The following KIF21A variants were observed in gnomAD, a reference collection of about 807,000 sequenced individuals.
KIF21A encodes kinesin family member 21A.
Under a neutral mutation model 202.9 loss-of-function variants are expected in KIF21A, and 114 were observed. The observed-to-expected ratio is 0.56, with a 90% CI of 0.48 to 0.66. KIF21A has a LOEUF of 0.66. Ranked by LOEUF, KIF21A falls within the 30% of genes least tolerant of loss-of-function variation. KIF21A has a pLI of 0.00. For missense variants in KIF21A, 1,677 were observed against 1,994.9 expected, an observed-to-expected ratio of 0.84 and a Z score of 3.04; for synonymous variants, 667 against 670.8, an observed-to-expected ratio of 0.99 and a Z score of 0.09.
intron 7 of KIF21A, among the ~76,000 whole-genome samples, chr12:39,360,252 C>T (rs546527414): frequency 2.0e-5 from 3 of 152,004 alleles, no homozygotes; most frequent in Non-Finnish European, 2.9e-5. Context: ...AAAAAGCACA[C>T]AATTCTGCTT....
In KIF21A at chr12:39,320,100, G is replaced by T. The variant is rs553117052; in HGVS notation, c.3672-87C>A. On this transcript the variant is annotated intron_variant, in intron 27 of 37. Coordinates refer to ENST00000361418, the MANE Select transcript of KIF21A (RefSeq NM_001173464.2). ...ATAGTCAATCTAAAATTTGTAATAG[G>T]TTAATAACTGGAACCTCAGAAAGAT... 1.3e-5 allele frequency: 9 copies of T among 719,948 alleles called. No homozygotes were observed. The East Asian group carries it at 2.2e-4, about 17-fold the overall frequency. The allele number at this position is 719,948 out of a possible 1,614,324, so 44.6% of individuals were successfully genotyped here.
At chr12:39,407,595 A>G (rs1414731369) in intron 1 of KIF21A, among the ~76,000 whole-genome samples, 1 of 152,220 alleles carries the variant, frequency 6.6e-6, no homozygotes, top group Non-Finnish European at 1.5e-5. Flanking sequence ...TGAGATAAAT[A>G]CTATAATTAT....
At chr12:39,416,689 A>ATATATATGTACATATATGTG (rs1566266737) in intron 1 of KIF21A, among the ~76,000 whole-genome samples, 2 of 94,740 alleles carry the variant, frequency 2.1e-5, no homozygotes, top group African/African-American at 1.4e-4. Context: ...ATATGTGTGT[A>ATATATATGTACATATATGTG]TATATATATG....
At chr12:39,362,190 G>A (rs1008678508) in intron 7 of KIF21A, among the ~76,000 whole-genome samples, 11 of 152,086 alleles carry the variant, frequency 7.2e-5, no homozygotes, top group African/African-American at 2.7e-4. Flanking sequence ...TTCCTGTAGA[G>A]CCTACAGAAC....
At chr12:39,303,501 T>C (rs1035362016) in intron 35 of KIF21A, among the ~76,000 whole-genome samples, 2 of 152,178 alleles carry the variant, frequency 1.3e-5, no homozygotes, top group Non-Finnish European at 2.9e-5. Flanking sequence ...TTGTTATGTA[T>C]GTTTTACTAA....
At chr12:39,371,323 A>G (rs1291481253) in intron 1 of KIF21A, among the ~76,000 whole-genome samples, 1 of 152,178 alleles carries the variant, frequency 6.6e-6, no homozygotes, top group South Asian at 2.1e-4. Flanking sequence ...GTGAATTATT[A>G]TGAGTTGCCT....
rs554984463 is a variant in KIF21A, at chr12:39,374,535, A to C, written c.45-4274T>G. ...TTCTTAAAGACAAACAATTACGGACAAAAATTGAATTATTATTTCTCCATT... is the reference window on the plus strand; with the variant it reads ...TTCTTAAAGACAAACAATTACGGACCAAAATTGAATTATTATTTCTCCATT... On this transcript the variant is annotated intron_variant, in intron 1 of 37. Transcript: ENST00000361418. 1.4e-4 allele frequency among the ~76,000 whole-genome samples: 22 copies of C among 152,324 alleles called. No homozygotes were observed. In the South Asian group the frequency reaches 4.3e-3, roughly 30 times the overall value.
At chr12:39,421,723 T>TTTTTTA (rs944109985) in intron 1 of KIF21A, among the ~76,000 whole-genome samples, 1 of 135,026 alleles carries the variant, frequency 7.4e-6, no homozygotes, top group Admixed American at 7.6e-5. Flanking sequence ...TATATATAAT[T>TTTTTTA]TATATATATA....
rs965850304 is a variant in KIF21A, at chr12:39,318,147, G to A, written c.3834C>T (p.Ser1278=). The part of the protein sequence containing the change: ...ASLSPPSSPP[S]RPRNELNVFN... Reference sequence around the variant, plus strand: ...AAACATTCAGTTCATTACGGGGCCGGCTTGGTGGGGAAGAAGGAGGTGAAA... The same window carrying A: ...AAACATTCAGTTCATTACGGGGCCGACTTGGTGGGGAAGAAGGAGGTGAAA... The change falls in exon 29 of 38, where the codon AGC becomes AGT. Residue 1278 remains serine (S), a synonymous_variant. Coordinates refer to ENST00000361418, the MANE Select transcript of KIF21A (RefSeq NM_001173464.2). The A allele has an allele frequency of 6.2e-6, 10 of 1,613,352 alleles. No homozygotes were observed. The highest frequency in any genetic ancestry group is 8.5e-6 in the Non-Finnish European group (10 of 1,179,520).
chr12:39,410,475 A>G (rs543834633), intron 1 of KIF21A, among the ~76,000 whole-genome samples: 9 of 152,362 alleles, frequency 5.9e-5, no homozygotes, highest in African/African-American at 1.7e-4. Context: ...GTCCATTATC[A>G]TAGTTGCATA....
chr12:39,353,080 C>T (rs1948518850), intron 10 of KIF21A, among the ~76,000 whole-genome samples: 1 of 152,156 alleles, frequency 6.6e-6, no homozygotes. Context: ...AGCACCTTTG[C>T]CATATGTTCA....
rs764601859 is a variant in KIF21A, at chr12:39,333,103, G to C, written c.2492C>G (p.Thr831Arg). Residue 831 changes from threonine (T) to arginine (R), a missense_variant, in exon 19 of 38, where the codon ACG becomes AGG. Thr to Arg is a moderately conservative substitution (Grantham distance 71). Transcript: ENST00000361418. Reference sequence around the variant, plus strand: ...GGGTCTTACTTGCCGACGAAGAGCCGTAACCTGAAATTGCAGCAAAGGTTG... The same window carrying C: ...GGGTCTTACTTGCCGACGAAGAGCCCTAACCTGAAATTGCAGCAAAGGTTG... ...VVLRRKTEEV[T>R]ALRRQVRPMS... 81 of 1,613,602 alleles carry C rather than the reference G, an allele frequency of 5.0e-5. No individual in the cohort carries two copies. The highest frequency in any genetic ancestry group is 6.6e-5 in the Non-Finnish European group (78 of 1,179,806).
At chr12:39,337,253 C>T (rs1459116340) in intron 16 of KIF21A, 50 bp from the exon 17 acceptor site, 1 of 1,146,928 alleles carries the variant, frequency 8.7e-7, no homozygotes, top group East Asian at 2.3e-5. Context: ...TCACAACATT[C>T]ATTAAATCAA....
At chr12:39,409,106 G>C (rs915506884) in intron 1 of KIF21A, among the ~76,000 whole-genome samples, 3 of 151,834 alleles carry the variant, frequency 2.0e-5, no homozygotes, top group African/African-American at 2.4e-5. Flanking sequence ...AAAGTGTTGG[G>C]ATTACAGGCA....
chr12:39,364,961 C>T (rs1380784768), intron 6 of KIF21A, among the ~76,000 whole-genome samples: 1 of 152,142 alleles, frequency 6.6e-6, no homozygotes, highest in Non-Finnish European at 1.5e-5. Context: ...TCCCCAATTG[C>T]TCCTATGGAT....
chr12:39,406,630 G>A (rs2139964093), intron 1 of KIF21A, among the ~76,000 whole-genome samples: 1 of 152,200 alleles, frequency 6.6e-6, no homozygotes. Context: ...ATCTAACTTG[G>A]CAGGTATACT....
intron 1 of KIF21A, among the ~76,000 whole-genome samples, chr12:39,407,178 G>A (rs1204739995): frequency 3.3e-5 from 5 of 152,136 alleles, no homozygotes; most frequent in Non-Finnish European, 5.9e-5. Context: ...AAACATTTTA[G>A]AATTGCATTC....
chr12:39,310,286 G>C (rs1243074417), intron 32 of KIF21A, among the ~76,000 whole-genome samples: 1 of 151,904 alleles, frequency 6.6e-6, no homozygotes, highest in African/African-American at 2.4e-5. Flanking sequence ...TTATACTGGA[G>C]AGAAATATTT....
chr12:39,436,422 T>TTTTATATA (rs1424497663), intron 1 of KIF21A, among the ~76,000 whole-genome samples: 15 of 99,102 alleles, frequency 1.5e-4, no homozygotes, highest in African/African-American at 3.6e-4. Flanking sequence ...GTTTACTATA[T>TTTTATATA]TATATATATA....
Sources: allele counts gnomAD v4.1 joint callset (sites outside exome capture counted in the v4.1 genomes callset), GRCh38; gene constraint gnomAD v4.1.1; transcripts MANE v1.5; gene names NCBI Gene and HGNC (gene_info 2026-07-23, HGNC 2026-07-21).